Variants in PDE7B observed in about 807,000 individuals in gnomAD.
PDE7B encodes 3',5'-cyclic-AMP phosphodiesterase 7B.
Under a neutral mutation model 56.2 loss-of-function variants are expected in PDE7B, and 29 were observed. The observed-to-expected ratio is 0.52, with a 90% confidence interval of 0.38 to 0.70. The LOEUF (loss-of-function observed/expected upper bound fraction) is 0.70, where lower values mean the gene tolerates loss of function less well. Among genes scored for constraint, PDE7B ranks in the 30% least tolerant of loss-of-function variants. The pLI is 0.00. For missense variants in PDE7B, 490 were observed against 565.0 expected (o/e 0.87, Z 1.35); for synonymous variants, 197 against 196.9 (o/e 1.00, Z 0.00).
intron 2 of PDE7B, among the ~76,000 whole-genome samples, chr6:136,005,605 T>C (rs1483739944): frequency 6.6e-6 from 1 of 152,088 alleles, no homozygotes; most frequent in African/African-American, 2.4e-5. Context: ...CATGAAAAAA[T>C]GCTCACCTTC....
At chr6:135,894,601 T>A (rs1401266962) in intron 1 of PDE7B, among the ~76,000 whole-genome samples, 1 of 152,142 alleles carries the variant, frequency 6.6e-6, no homozygotes, top group African/African-American at 2.4e-5. Context: ...GACAATAGCC[T>A]CCCACATTCT....
intron 8 of PDE7B, among the ~76,000 whole-genome samples, chr6:136,161,199 T>C (rs1227431413): frequency 2.0e-5 from 3 of 152,302 alleles, no homozygotes; most frequent in Non-Finnish European, 2.9e-5. Context: ...CTCCTGAAAG[T>C]CTTCTTTTTC....
chr6:135,860,218 T>C (rs1365523944), intron 1 of PDE7B, among the ~76,000 whole-genome samples: 1 of 152,002 alleles, frequency 6.6e-6, no homozygotes, highest in Non-Finnish European at 1.5e-5. Context: ...CTCAGATAAA[T>C]TGCGGCTAAT....
At chr6:136,171,786 C>G (rs139586472) in intron 8 of PDE7B, among the ~76,000 whole-genome samples, 1 of 117,032 alleles carries the variant, frequency 8.5e-6, no homozygotes, top group Non-Finnish European at 1.7e-5. Context: ...ATCCCTCCCC[C>G]CTCCCCCGAC....
At chr6:136,038,509 T>C in intron 2 of PDE7B, 1 of 1,285,216 alleles carries the variant, frequency 7.8e-7, no homozygotes, top group Non-Finnish European at 1.0e-6. Flanking sequence ...ACAATGAAGA[T>C]GCTCTCCGCA....
At chr6:135,870,894 G>A (rs1775366141) in intron 1 of PDE7B, among the ~76,000 whole-genome samples, 1 of 152,150 alleles carries the variant, frequency 6.6e-6, no homozygotes, top group Non-Finnish European at 1.5e-5. Flanking sequence ...GGGAAAGGAG[G>A]AGGAGCAGGA....
chr6:136,031,435 T>C (rs1171261595), intron 2 of PDE7B, among the ~76,000 whole-genome samples: 1 of 152,230 alleles, frequency 6.6e-6, no homozygotes, highest in Non-Finnish European at 1.5e-5. Context: ...AGCTGTTCTA[T>C]GTAATTCATA....
rs142911675 is a variant in PDE7B, at chr6:136,032,465, A to G, written c.83-76266A>G. 2.5e-4 allele frequency among the ~76,000 whole-genome samples: 38 copies of G among 152,316 alleles called. No individual in the cohort carries two copies. The East Asian group carries it at 5.0e-3, about 20-fold the overall frequency. On this transcript the variant is annotated intron_variant, in intron 2 of 12. Coordinates refer to ENST00000308191, the MANE Select transcript of PDE7B (RefSeq NM_018945.4). ...AATATTTATCTTATGAGCCACATAC[A>G]TTGTTCTGTATCTGTCTATTCTCAT...
intron 2 of PDE7B, among the ~76,000 whole-genome samples, chr6:135,983,904 C>T (rs1451871710): frequency 3.9e-5 from 6 of 152,224 alleles, no homozygotes; most frequent in Non-Finnish European, 5.9e-5. Context: ...TTCTTCATTT[C>T]CCATATGTGT....
In PDE7B at chr6:136,193,750, A is replaced by G. The variant is rs1171268616; in HGVS notation, c.*1910A>G. On this transcript the variant is annotated 3_prime_UTR_variant, in exon 13 of 13. Coordinates refer to ENST00000308191, the MANE Select transcript of PDE7B (RefSeq NM_018945.4). Reference sequence around the variant, plus strand: ...TAGAGATTTTTCTCCTAACATGCAAAGGAAATACTGATTGGCCTATAATAA... The same window carrying G: ...TAGAGATTTTTCTCCTAACATGCAAGGGAAATACTGATTGGCCTATAATAA... 2 of 152,224 alleles carry G rather than the reference A, an allele frequency of 1.3e-5. No homozygotes were observed. Among genetic ancestry groups the G allele is most frequent in the African/African-American group, 4.8e-5 (2 of 41,466 alleles). The allele number at this position is 152,224 out of a possible 1,614,324, so 9.4% of individuals were successfully genotyped here.
At chr6:136,187,438 C>T (rs958465864) in intron 12 of PDE7B, among the ~76,000 whole-genome samples, 1 of 152,180 alleles carries the variant, frequency 6.6e-6, no homozygotes. Flanking sequence ...TTCATACTCT[C>T]TGCAGGGCTT....
intron 1 of PDE7B, among the ~76,000 whole-genome samples, chr6:135,939,498 A>G (rs1398306208): frequency 6.6e-6 from 1 of 152,176 alleles, no homozygotes; most frequent in Non-Finnish European, 1.5e-5. Context: ...AAAGGAAAAC[A>G]TGAGCTCGAG....
chr6:136,135,902 C>G (rs1011949150), intron 3 of PDE7B, among the ~76,000 whole-genome samples: 1 of 152,052 alleles, frequency 6.6e-6, no homozygotes, highest in African/African-American at 2.4e-5. Flanking sequence ...CGTCAAAGTC[C>G]GTACTGTAAG....
intron 2 of PDE7B, among the ~76,000 whole-genome samples, chr6:135,948,268 A>G (rs1774625606): frequency 6.6e-6 from 1 of 152,046 alleles, no homozygotes; most frequent in Admixed American, 6.6e-5. Context: ...TGTCCAATAA[A>G]GTTGCAATTC....
intron 2 of PDE7B, chr6:136,037,590 C>T: frequency 3.0e-6 from 3 of 985,350 alleles, no homozygotes; most frequent in Non-Finnish European, 3.6e-6. Flanking sequence ...TGCAGATTGG[C>T]TCTGCAGACT....
chr6:136,010,217 G>A (rs1775867657), intron 2 of PDE7B, among the ~76,000 whole-genome samples: 1 of 152,026 alleles, frequency 6.6e-6, no homozygotes, highest in South Asian at 2.1e-4. Context: ...GTAATTGCAT[G>A]GTTTTGAGCA....
intron 2 of PDE7B, among the ~76,000 whole-genome samples, chr6:136,079,755 C>T (rs1446179705): frequency 6.6e-6 from 1 of 151,144 alleles, no homozygotes; most frequent in Non-Finnish European, 1.5e-5. Flanking sequence ...AAGACTTTCC[C>T]ACTGTTTCCA....
At chr6:135,928,766 G>T (rs1330206754) in intron 1 of PDE7B, among the ~76,000 whole-genome samples, 1 of 151,508 alleles carries the variant, frequency 6.6e-6, no homozygotes, top group Non-Finnish European at 1.5e-5. Context: ...AATATGCATG[G>T]ACACAAAGAT....
At chr6:136,073,126 G>C (rs114396831) in intron 2 of PDE7B, among the ~76,000 whole-genome samples, 1 of 152,082 alleles carries the variant, frequency 6.6e-6, no homozygotes, top group African/African-American at 2.4e-5. Flanking sequence ...CGTCGGCAGG[G>C]ATGGCCATGC....
Sources: allele counts gnomAD v4.1 joint callset (sites outside exome capture counted in the v4.1 genomes callset), GRCh38; gene constraint gnomAD v4.1.1; transcripts MANE v1.5; gene names NCBI Gene and HGNC (gene_info 2026-07-23, HGNC 2026-07-21).